The following PTPRT variants were observed in gnomAD, a reference collection of about 807,000 sequenced individuals.
PTPRT encodes protein tyrosine phosphatase receptor type T.
PTPRT carries 56 observed loss-of-function variants against 176.8 expected under a neutral mutation model. The ratio of observed to expected loss-of-function variants is 0.32; its 90% CI spans 0.26 to 0.40. The LOEUF is 0.40. Ranked by LOEUF, PTPRT falls within the 10% of genes least tolerant of loss-of-function variation. The pLI is 1.00. For missense variants in PTPRT, 1,540 were observed against 1,908.2 expected (o/e 0.81, Z 3.60); for synonymous variants, 783 against 739.0 (o/e 1.06, Z -0.96).
intron 7 of PTPRT, among the ~76,000 whole-genome samples, chr20:42,491,076 C>G (rs141956130): frequency 2.0e-5 from 3 of 151,780 alleles, no homozygotes; most frequent in Admixed American, 6.6e-5. Context: ...GTGAATTGCA[C>G]GAACATTGAA....
intron 6 of PTPRT, among the ~76,000 whole-genome samples, chr20:42,696,503 T>C (rs2075881230): frequency 1.3e-5 from 2 of 151,212 alleles, no homozygotes; most frequent in Non-Finnish European, 2.9e-5. Context: ...TCGCCCAGGC[T>C]GGAGTGCAGT....
At chr20:42,068,575 T>G (rs1371621680), downstream of PTPRT, among the ~76,000 whole-genome samples, 4 of 152,208 alleles carry the variant, frequency 2.6e-5, no homozygotes, top group African/African-American at 4.8e-5. Flanking sequence ...ACCAATTTTC[T>G]GAGTGAGTAC....
At chr20:43,087,069 C>G (rs1030607967) in intron 1 of PTPRT, among the ~76,000 whole-genome samples, 1 of 152,214 alleles carries the variant, frequency 6.6e-6, no homozygotes, top group Non-Finnish European at 1.5e-5. Context: ...ATGCCCCTCC[C>G]CATTTCCCCA....
At chr20:42,286,972 C>A (rs912395167) in intron 12 of PTPRT, among the ~76,000 whole-genome samples, 12 of 151,814 alleles carry the variant, frequency 7.9e-5, no homozygotes, top group Non-Finnish European at 1.5e-4. Flanking sequence ...ATACAAATGG[C>A]CAACAAATAT....
intron 2 of PTPRT, among the ~76,000 whole-genome samples, chr20:42,881,607 C>T (rs890824902): frequency 1.2e-4 from 18 of 151,696 alleles, no homozygotes; most frequent in Non-Finnish European, 2.6e-4. Context: ...CGCCTGTAGT[C>T]TCAGCTACTT....
At chr20:42,625,146 CA>C (rs1366023324) in intron 7 of PTPRT, among the ~76,000 whole-genome samples, 1 of 152,168 alleles carries the variant, frequency 6.6e-6, no homozygotes, top group African/African-American at 2.4e-5. Context: ...ATGGATGGGA[CA>C]AGGGACAATG....
At chr20:42,434,910 A>T (rs1047499796) in intron 9 of PTPRT, among the ~76,000 whole-genome samples, 6 of 152,128 alleles carry the variant, frequency 3.9e-5, no homozygotes, top group Admixed American at 3.9e-4. Flanking sequence ...GGTTGCAGTA[A>T]GTTGAGATTG....
rs950165008 is a variant in PTPRT, at chr20:42,666,430, T to G, written c.1153+11436A>C. Among the ~76,000 whole-genome samples the G allele has an allele frequency of 2.6e-5, 4 of 152,206 alleles. No homozygotes were observed. The East Asian group carries it at 7.7e-4, about 29-fold the overall frequency. On this transcript the variant is annotated intron_variant, in intron 7 of 30. Coordinates refer to ENST00000373187, the MANE Select transcript of PTPRT (RefSeq NM_007050.6). ...TGTATTCATTTCTGGGCTTTAATTA[T>G]TATAGTTTTTACAAATGTTGACATT...
At chr20:42,433,304 A>G (rs186862451) in intron 9 of PTPRT, among the ~76,000 whole-genome samples, 270 of 152,328 alleles carry the variant, frequency 1.8e-3, no homozygotes, top group Non-Finnish European at 2.9e-3. Flanking sequence ...AAAAAAAGAA[A>G]TCCAGAAATT....
At position 42,480,127 on chromosome 20, in the gene PTPRT, G is replaced by A. The variant is rs145688628; in HGVS notation, c.1154-7565C>T. Among the ~76,000 whole-genome samples the A allele has an allele frequency of 3.1e-3, 467 of 152,310 alleles. 1 individual carries two copies. The highest frequency in any genetic ancestry group is 0.023 in the South Asian group (109 of 4,822). On this transcript the variant is annotated intron_variant, in intron 7 of 30. Coordinates refer to ENST00000373187, the MANE Select transcript of PTPRT (RefSeq NM_007050.6). ...TACTCACTGAGCATGGAGGCATCATGACATGGGGAAAAGAACATTGGTTCT... is the reference window on the plus strand; with the variant it reads ...TACTCACTGAGCATGGAGGCATCATAACATGGGGAAAAGAACATTGGTTCT...
intron 13 of PTPRT, among the ~76,000 whole-genome samples, chr20:42,249,171 T>A (rs979594738): frequency 6.6e-6 from 1 of 152,184 alleles, no homozygotes; most frequent in African/African-American, 2.4e-5. Flanking sequence ...GATCAAACCA[T>A]GGAACACTGG....
chr20:42,747,304 T>C (rs79056182), intron 6 of PTPRT, among the ~76,000 whole-genome samples: 3,433 of 152,282 alleles, frequency 0.023, 135 homozygotes, highest in African/African-American at 0.078. Flanking sequence ...CACTCTTCCC[T>C]GGATACAGCA....
In PTPRT at chr20:42,559,188, G is replaced by GT. The variant is rs781442125; in HGVS notation, c.1154-86627_1154-86626insA. Among the ~76,000 whole-genome samples the GT allele has an allele frequency of 1.5e-3, 224 of 152,242 alleles. 1 individual carries two copies. Among genetic ancestry groups the GT allele is most frequent in the Non-Finnish European group, 2.5e-3 (169 of 68,016 alleles). On this transcript the variant is annotated intron_variant, in intron 7 of 30. Transcript: ENST00000373187. ...CTGCAAAATTCTGCCCTTTGAGCAG[G>GT]ATTTAATGTTTAATTCCATGCTGCC...
At chr20:42,680,015 G>A (rs184294551) in intron 6 of PTPRT, among the ~76,000 whole-genome samples, 302 of 152,296 alleles carry the variant, frequency 2.0e-3, no homozygotes, top group Non-Finnish European at 3.6e-3. Flanking sequence ...AGGCATATGA[G>A]GGTAGAATAC....
chr20:42,904,838 T>C (rs1455011645), intron 1 of PTPRT, among the ~76,000 whole-genome samples: 2 of 152,144 alleles, frequency 1.3e-5, no homozygotes, highest in African/African-American at 2.4e-5. Context: ...ATTTAATAAA[T>C]GGTGCTGGGA....
rs776104058 is a variant in PTPRT at position 42,092,533 on chromosome 20, A to G, written c.3846+5888T>C. Among the ~76,000 whole-genome samples, 6 of 152,348 alleles carry G rather than the reference A, an allele frequency of 3.9e-5. No individual in the cohort carries two copies. In the South Asian group the frequency reaches 1.2e-3, roughly 32 times the overall value. On this transcript the variant is annotated intron_variant, in intron 27 of 30. Transcript: ENST00000373187. ...ACAGTGAGTAAGTACCAAGGCTACA[A>G]TTTGAACTCAGGTCTCTTGACCCCA...
intron 2 of PTPRT, among the ~76,000 whole-genome samples, chr20:42,881,224 T>C (rs1342452282): frequency 1.3e-5 from 2 of 152,184 alleles, no homozygotes; most frequent in African/African-American, 2.4e-5. Flanking sequence ...GTCCCCAAGA[T>C]AAAGATGTGG....
chr20:42,743,676 C>T (rs1417762851), intron 6 of PTPRT, among the ~76,000 whole-genome samples: 3 of 152,142 alleles, frequency 2.0e-5, no homozygotes, highest in Admixed American at 6.5e-5. Context: ...CCGCTAAGCA[C>T]GGCTTCTGAG....
chr20:43,038,042 T>G lies in PTPRT; in HGVS notation c.88+151604A>C, dbSNP rs1004691907. On this transcript the variant is annotated intron_variant, in intron 1 of 30. Coordinates refer to ENST00000373187, the MANE Select transcript of PTPRT (RefSeq NM_007050.6). Reference sequence around the variant, plus strand: ...CCTAAACTGCTTCTGTGGCTACACCTGACCTGAGCCTATTTATAGCATTAT... The same window carrying G: ...CCTAAACTGCTTCTGTGGCTACACCGGACCTGAGCCTATTTATAGCATTAT... Among the ~76,000 whole-genome samples the G allele has an allele frequency of 1.5e-3, 229 of 152,072 alleles. 1 individual carries two copies. Among genetic ancestry groups the G allele is most frequent in the African/African-American group, 5.3e-3 (217 of 41,332 alleles).
Sources: gnomAD v4.1 joint callset for allele counts (sites outside exome capture counted in the v4.1 genomes callset) on GRCh38, gnomAD v4.1.1 for gene constraint, MANE v1.5 for transcripts, NCBI Gene and HGNC (gene_info 2026-07-23, HGNC 2026-07-21) for gene names.